The following B4GALT5 variants were observed in gnomAD, a reference collection of about 807,000 sequenced individuals.
B4GALT5 encodes the protein UDP-Gal:beta-GlcNAc beta-1,4-galactosyltransferase 5.
B4GALT5 carries 11 observed loss-of-function variants against 45.0 expected under a neutral mutation model. The ratio of observed to expected loss-of-function variants is 0.24; its 90% CI spans 0.15 to 0.40. The LOEUF (loss-of-function observed/expected upper bound fraction) is 0.40, where lower values mean the gene tolerates loss of function less well. Among genes scored for constraint, B4GALT5 ranks in the 10% least tolerant of loss-of-function variants. B4GALT5 has a pLI of 1.00. For missense variants in B4GALT5, 337 were observed against 500.2 expected, an observed-to-expected ratio of 0.67 and a Z score of 3.11; for synonymous variants, 185 against 182.9, an observed-to-expected ratio of 1.01 and a Z score of -0.09.
At chr20:49,712,789 G>A (rs1356533692) in intron 1 of B4GALT5, among the ~76,000 whole-genome samples, 2 of 150,816 alleles carry the variant, frequency 1.3e-5, no homozygotes, top group African/African-American at 2.4e-5. Context: ...AAAGTCTGGG[G>A]GGCTGGGGGC....
At chr20:49,685,173 C>A (rs1380850553) in intron 1 of B4GALT5, among the ~76,000 whole-genome samples, 1 of 152,212 alleles carries the variant, frequency 6.6e-6, no homozygotes, top group East Asian at 1.9e-4. Context: ...ATCAGGTGAA[C>A]TGATTTCCCA....
At chr20:49,692,605 T>A (rs2085819005) in intron 1 of B4GALT5, among the ~76,000 whole-genome samples, 1 of 152,236 alleles carries the variant, frequency 6.6e-6, no homozygotes, top group Admixed American at 6.5e-5. Context: ...TCAGTTGTAG[T>A]GCTGGCATTG....
In B4GALT5 at chr20:49,639,667, G is replaced by T. The variant is rs368025369; in HGVS notation, c.917+11C>A. On this transcript the variant is annotated intron_variant, in intron 7 of 8. Coordinates refer to ENST00000371711, the MANE Select transcript of B4GALT5 (RefSeq NM_004776.4). ...CATTTCTAGAAGACACCGAAAGAAC[G>T]GCAGAGGTACCTGTTCCAGAGGTCG... 5.0e-5 allele frequency: 80 copies of T among 1,612,740 alleles called. No individual in the cohort carries two copies. Among genetic ancestry groups the T allele is most frequent in the Non-Finnish European group, 6.8e-5 (80 of 1,179,056 alleles).
intron 1 of B4GALT5, among the ~76,000 whole-genome samples, chr20:49,689,204 G>A (rs2085799706): frequency 6.6e-6 from 1 of 152,076 alleles, no homozygotes; most frequent in African/African-American, 2.4e-5. Flanking sequence ...CAGGATTTAT[G>A]TTACTTGATT....
chr20:49,689,172 T>C (rs1329530361), intron 1 of B4GALT5, among the ~76,000 whole-genome samples: 1 of 152,190 alleles, frequency 6.6e-6, no homozygotes, highest in African/African-American at 2.4e-5. Context: ...TAAACACAGA[T>C]GTCACCTCTT....
In B4GALT5 at chr20:49,691,480, A is replaced by C. The variant is rs140635555; in HGVS notation, c.115+22096T>G. 5.3e-3 allele frequency among the ~76,000 whole-genome samples: 811 copies of C among 152,170 alleles called. 6 individuals are homozygous for C. Among genetic ancestry groups the C allele is most frequent in the Middle Eastern group, 0.017 (5 of 294 alleles). ...AAGGCTGCAGTGAGCCATGATTGCC[A>C]CACTGCACTCCAGCCTGAGTGACAG... On this transcript the variant is annotated intron_variant, in intron 1 of 8. Transcript: ENST00000371711.
intron 1 of B4GALT5, among the ~76,000 whole-genome samples, chr20:49,687,690 G>A (rs1027288296): frequency 6.6e-6 from 1 of 152,012 alleles, no homozygotes; most frequent in African/African-American, 2.4e-5. Flanking sequence ...ATTTATTTTC[G>A]ATTCCCTATA....
At chr20:49,702,068 A>G (rs377300413) in intron 1 of B4GALT5, among the ~76,000 whole-genome samples, 1 of 151,934 alleles carries the variant, frequency 6.6e-6, no homozygotes, top group Admixed American at 6.6e-5. Flanking sequence ...ACCTCAAAAA[A>G]CAACAACAAA....
At chr20:49,688,197 T>C (rs74770203) in intron 1 of B4GALT5, among the ~76,000 whole-genome samples, 5,893 of 152,228 alleles carry the variant, frequency 0.039, 160 homozygotes, top group Middle Eastern at 0.054. Context: ...GAACTGAGTG[T>C]TTTACCCTGA....
chr20:49,663,685 A>AGG, intron 1 of B4GALT5, among the ~76,000 whole-genome samples: 1 of 60,102 alleles, frequency 1.7e-5, no homozygotes, highest in African/African-American at 6.1e-5. Flanking sequence ...GAAAAAAAAA[A>AGG]AAAAAATATA....
intron 1 of B4GALT5, among the ~76,000 whole-genome samples, chr20:49,708,869 T>C (rs1476840849): frequency 6.6e-6 from 1 of 150,558 alleles, no homozygotes; most frequent in Non-Finnish European, 1.5e-5. Flanking sequence ...GAGGCGGAGG[T>C]TGCAGTGAGC....
chr20:49,710,764 G>A (rs2085906250), intron 1 of B4GALT5, among the ~76,000 whole-genome samples: 1 of 151,958 alleles, frequency 6.6e-6, no homozygotes, highest in African/African-American at 2.4e-5. Flanking sequence ...ATTCAAATAA[G>A]GTCTTCATAA....
intron 1 of B4GALT5, among the ~76,000 whole-genome samples, chr20:49,683,585 G>A (rs1284482125): frequency 6.6e-6 from 1 of 151,416 alleles, no homozygotes; most frequent in Non-Finnish European, 1.5e-5. Context: ...TAGAGATGTC[G>A]GTTCACCATG....
At chr20:49,663,687 A>AT (rs1568722554) in intron 1 of B4GALT5, among the ~76,000 whole-genome samples, 7 of 104,580 alleles carry the variant, frequency 6.7e-5, no homozygotes, top group African/African-American at 2.7e-4. Flanking sequence ...AAAAAAAAAA[A>AT]AAAATATATA....
Position 49,634,064 on chromosome 20 carries a change from TAAAA to T in B4GALT5, c.*2244_*2247del, listed in dbSNP as rs751300632. ...TTTAAAGCATGAAATGCTTAAGTCT[TAAAA>T]AACATATGCTATAGCTTACCGGCAT... On this transcript the variant is annotated 3_prime_UTR_variant, in exon 9 of 9. Transcript: ENST00000371711. 33 of 152,724 alleles carry T rather than the reference TAAAA, an allele frequency of 2.2e-4. No individual in the cohort carries two copies. The highest frequency in any genetic ancestry group is 3.4e-3 in the Middle Eastern group (1 of 294). The allele number at this position is 152,724 out of a possible 1,614,324, so 9.5% of individuals were successfully genotyped here.
intron 1 of B4GALT5, among the ~76,000 whole-genome samples, chr20:49,710,919 A>G (rs925344350): frequency 1.3e-5 from 2 of 151,956 alleles, no homozygotes; most frequent in Non-Finnish European, 2.9e-5. Context: ...TCTCTACAAA[A>G]AACTGTTTTA....
chr20:49,664,811 G>GA (rs1288807096), intron 1 of B4GALT5, among the ~76,000 whole-genome samples: 3 of 152,116 alleles, frequency 2.0e-5, no homozygotes, highest in Non-Finnish European at 4.4e-5. Context: ...AAATGCTTCT[G>GA]AAAAAAATGT....
intron 1 of B4GALT5, among the ~76,000 whole-genome samples, chr20:49,695,870 C>T (rs1449824542): frequency 6.6e-6 from 1 of 152,192 alleles, no homozygotes; most frequent in Non-Finnish European, 1.5e-5. Context: ...CATTGAGTTT[C>T]AATCTAATCA....
rs1040054270 is a variant in B4GALT5, at chr20:49,633,240, T to C, written c.*3072A>G. The C allele has an allele frequency of 6.5e-6, 1 of 152,684 alleles. No individual in the cohort carries two copies. The highest frequency in any genetic ancestry group is 2.4e-5 in the African/African-American group (1 of 41,450). 9.5% of individuals were successfully genotyped at this position (152,684 alleles called of 1,614,324 possible). A position where few individuals can be genotyped will look rare whatever the true frequency, so the allele number is the denominator to read the frequency against. ...CCTGCTCAGCTATTAATGTCTGTGGTAGAGGATCTCTGACAAGAGGACCTA... is the reference window on the plus strand; with the variant it reads ...CCTGCTCAGCTATTAATGTCTGTGGCAGAGGATCTCTGACAAGAGGACCTA... On this transcript the variant is annotated 3_prime_UTR_variant, in exon 9 of 9. Transcript: ENST00000371711.
Sources: allele counts gnomAD v4.1 joint callset (sites outside exome capture counted in the v4.1 genomes callset), GRCh38; gene constraint gnomAD v4.1.1; transcripts MANE v1.5; gene names NCBI Gene and HGNC (gene_info 2026-07-23, HGNC 2026-07-21).